The following PLN variants were observed in gnomAD, a reference collection of about 807,000 sequenced individuals.
The protein encoded by PLN is phospholamban.
Under a neutral mutation model 3.9 loss-of-function variants are expected in PLN, and 1 was observed. The observed-to-expected ratio is 0.26, with a 90% confidence interval of 0.09 to 1.23. PLN has a LOEUF of 1.23. Among genes scored for constraint, PLN ranks in the 50% most tolerant of loss-of-function variants. The pLI is 0.48. For missense variants in PLN, 59 were observed against 62.7 expected (o/e 0.94, Z 0.20); for synonymous variants, 21 against 20.5 (o/e 1.02, Z -0.07).
At chr6:118,556,120 T>TA (rs1313595887) in intron 1 of PLN, among the ~76,000 whole-genome samples, 1 of 152,228 alleles carries the variant, frequency 6.6e-6, no homozygotes, top group Non-Finnish European at 1.5e-5. Flanking sequence ...TTCATGGGTG[T>TA]ATGTCTTTAC....
intron 1 of PLN, among the ~76,000 whole-genome samples, chr6:118,553,485 T>C (rs1448338451): frequency 6.6e-6 from 1 of 152,204 alleles, no homozygotes; most frequent in East Asian, 1.9e-4. Context: ...AGATGATAAC[T>C]GTAAAAAATT....
At chr6:118,550,510 C>T (rs1251906544) in intron 1 of PLN, among the ~76,000 whole-genome samples, 1 of 151,764 alleles carries the variant, frequency 6.6e-6, no homozygotes, top group African/African-American at 2.4e-5. Flanking sequence ...TCCTAATATA[C>T]TCGTGTACAC....
chr6:118,553,348 G>A (rs1446219936), intron 1 of PLN, among the ~76,000 whole-genome samples: 1 of 152,014 alleles, frequency 6.6e-6, no homozygotes, highest in Non-Finnish European at 1.5e-5. Context: ...GGATTCTGCT[G>A]TTCCCACAAC....
intron 1 of PLN, among the ~76,000 whole-genome samples, chr6:118,550,157 G>A (rs893756975): frequency 2.0e-5 from 3 of 151,890 alleles, no homozygotes; most frequent in African/African-American, 4.8e-5. Flanking sequence ...ACTAAAAGGC[G>A]TGACAGCACT....
At position 118,559,130 on chromosome 6, in the gene PLN, C is replaced by T. The variant is rs745978438; in HGVS notation, c.*50C>T. On this transcript the variant is annotated 3_prime_UTR_variant, in exon 2 of 2. Transcript: ENST00000357525. The stretch of plus-strand genomic sequence containing the variant: ...GCAGCTTGCCACATCAGCTTAAAAT[C>T]TGTCATCCCATGCAGACAGGAAAAC... The T allele has an allele frequency of 1.5e-6, 2 of 1,375,122 alleles. No homozygotes were observed. Among genetic ancestry groups the T allele is most frequent in the Admixed American group, 3.3e-5 (2 of 59,704 alleles). The allele number at this position is 1,375,122 out of a possible 1,614,324, so 85.2% of individuals were successfully genotyped here. A position where few individuals can be genotyped will look rare whatever the true frequency, so the allele number is the denominator to read the frequency against.
At chr6:118,551,127 G>T (rs547131025) in intron 1 of PLN, among the ~76,000 whole-genome samples, 2 of 151,800 alleles carry the variant, frequency 1.3e-5, no homozygotes, top group South Asian at 2.1e-4. Context: ...ATCACATTTC[G>T]ATACTTTATT....
At chr6:118,554,160 C>A (rs1778710412) in intron 1 of PLN, among the ~76,000 whole-genome samples, 1 of 152,048 alleles carries the variant, frequency 6.6e-6, no homozygotes. Context: ...TGGTGGCGCA[C>A]ACCTGTGGTC....
chr6:118,558,829 C>T lies in PLN; in HGVS notation c.-93C>T. The stretch of plus-strand genomic sequence containing the variant: ...TTTATTATTTTTACATTCCAGGCTA[C>T]CTAAAAGAAGACAGTTATCTCATAT... On this transcript the variant is annotated 5_prime_UTR_variant, in exon 2 of 2. Transcript: ENST00000357525. 1.2e-6 allele frequency: 1 copy of T among 849,036 alleles called. No individual in the cohort carries two copies. The highest frequency in any genetic ancestry group is 2.0e-6 in the Non-Finnish European group (1 of 493,978). The allele number at this position is 849,036 out of a possible 1,614,324, so 52.6% of individuals were successfully genotyped here. A position where few individuals can be genotyped will look rare whatever the true frequency, so the allele number is the denominator to read the frequency against.
At chr6:118,555,729 G>C (rs1311284647) in intron 1 of PLN, among the ~76,000 whole-genome samples, 1 of 152,118 alleles carries the variant, frequency 6.6e-6, no homozygotes, top group Admixed American at 6.6e-5. Context: ...TGGGGAGCTT[G>C]TTGTATGTAT....
At chr6:118,551,976 T>G (rs1778576192) in intron 1 of PLN, among the ~76,000 whole-genome samples, 3 of 152,058 alleles carry the variant, frequency 2.0e-5, no homozygotes, top group African/African-American at 7.2e-5. Context: ...GCACATTCAC[T>G]TATGGCTTAT....
At chr6:118,554,620 T>A (rs890613507) in intron 1 of PLN, among the ~76,000 whole-genome samples, 1 of 152,170 alleles carries the variant, frequency 6.6e-6, no homozygotes, top group African/African-American at 2.4e-5. Context: ...TACAAACATG[T>A]AAATTGAAAT....
At chr6:118,555,217 G>A (rs192414354) in intron 1 of PLN, among the ~76,000 whole-genome samples, 3 of 152,196 alleles carry the variant, frequency 2.0e-5, no homozygotes, top group East Asian at 3.9e-4. Context: ...GGATCACGAG[G>A]TCGGGAGATC....
Position 118,558,919 on chromosome 6 carries a change from A to G in PLN, c.-3A>G. 3.1e-6 allele frequency: 5 copies of G among 1,613,244 alleles called. No individual in the cohort carries two copies. The highest frequency in any genetic ancestry group is 4.2e-6 in the Non-Finnish European group (5 of 1,179,248). On this transcript the variant is annotated 5_prime_UTR_variant, in exon 2 of 2. Coordinates refer to ENST00000357525, the MANE Select transcript of PLN (RefSeq NM_002667.5). ...ACTTCAGACTTCCTGTCCTGCTGGT[A>G]TCATGGAGAAAGTCCAATACCTCAC... is the stretch of plus-strand genomic sequence containing the variant.
intron 1 of PLN, among the ~76,000 whole-genome samples, 179 bp downstream of exon 1, chr6:118,548,571 G>C (rs2114916391): frequency 6.6e-6 from 1 of 152,056 alleles, no homozygotes; most frequent in Admixed American, 6.6e-5. Flanking sequence ...TTTAGTGACA[G>C]GAAAAATGAG....
chr6:118,550,410 T>C (rs951953141), intron 1 of PLN, among the ~76,000 whole-genome samples: 47 of 151,940 alleles, frequency 3.1e-4, no homozygotes, highest in African/African-American at 1.1e-3. Context: ...ACCTAAAGTC[T>C]AGTTACCTCT....
chr6:118,558,831 TA>T lies in PLN; in HGVS notation c.-87del. ...TATTATTTTTACATTCCAGGCTACC[TA>T]AAAGAAGACAGTTATCTCATATTTG... is the stretch of plus-strand genomic sequence containing the variant. On this transcript the variant is annotated 5_prime_UTR_variant, in exon 2 of 2. Coordinates refer to ENST00000357525, the MANE Select transcript of PLN (RefSeq NM_002667.5). 3 of 875,280 alleles carry T rather than the reference TA, an allele frequency of 3.4e-6. No homozygotes were observed. The highest frequency in any genetic ancestry group is 3.9e-6 in the Non-Finnish European group (2 of 516,748). 54.2% of individuals were successfully genotyped at this position (875,280 alleles called of 1,614,324 possible).
intron 1 of PLN, among the ~76,000 whole-genome samples, 163 bp from the exon 2 acceptor site, chr6:118,558,658 CACAG>C (rs1319786079): frequency 0.016 from 1,951 of 124,860 alleles, 18 homozygotes; most frequent in African/African-American, 0.047. Context: ...CACACACACA[CACAG>C]AGAGAGAGAG....
At chr6:118,553,182 G>A (rs9489437) in intron 1 of PLN, among the ~76,000 whole-genome samples, 8 of 148,400 alleles carry the variant, frequency 5.4e-5, no homozygotes, top group Non-Finnish European at 8.9e-5. Context: ...CATCGAAAAA[G>A]TACTCTATTA....
Position 118,558,982 on chromosome 6 carries a change from C to A in PLN, c.61C>A (p.Pro21Thr), listed in dbSNP as rs397516786. Residue 21 changes from proline (P) to threonine (T), a missense_variant, in exon 2 of 2, where the codon CCT (proline) becomes ACT (threonine). Pro to Thr is a conservative substitution (Grantham distance 38). Transcript: ENST00000357525. Reference sequence around the variant, plus strand: ...AAGAAGAGCCTCAACCATTGAAATGCCTCAACAAGCACGTCAAAAGCTACA... The same window carrying A: ...AAGAAGAGCCTCAACCATTGAAATGACTCAACAAGCACGTCAAAAGCTACA... ...AIRRASTIEM[P>T]QQARQKLQNL... 38 of 1,611,580 alleles carry A rather than the reference C, an allele frequency of 2.4e-5. No homozygotes were observed. Among genetic ancestry groups the A allele is most frequent in the Admixed American group, 6.7e-5 (4 of 59,994 alleles).
Sources: gnomAD v4.1 joint callset for allele counts (sites outside exome capture counted in the v4.1 genomes callset) on GRCh38, gnomAD v4.1.1 for gene constraint, MANE v1.5 for transcripts, NCBI Gene and HGNC (gene_info 2026-07-23, HGNC 2026-07-21) for gene names.